Variants in LMTK2 observed in about 807,000 individuals in gnomAD.
LMTK2 encodes the protein serine/threonine-protein kinase LMTK2.
Under a neutral mutation model 127.5 loss-of-function variants are expected in LMTK2, and 37 were observed. The ratio of observed to expected loss-of-function variants is 0.29; its 90% confidence interval spans 0.22 to 0.38. The LOEUF is 0.38. Ranked by LOEUF, LMTK2 falls within the 10% of genes least tolerant of loss-of-function variation. The pLI, the probability that LMTK2 is intolerant of heterozygous loss-of-function variation, is 1.00. For synonymous variants in LMTK2, 819 were observed against 810.1 expected (o/e 1.01, Z -0.19); for missense variants, 1,694 against 1,920.3 (o/e 0.88, Z 2.20).
In LMTK2 at chr7:98,192,821, A is replaced by G. The variant is rs772193585; in HGVS notation, c.2356A>G (p.Asn786Asp). ...GCCAGGCTTGTCTTTGTTGCAGGAA[A>G]ACGTAAGCACAAAGGGTGACGATAC... ...NKPGLSLLQE[N>D]VSTKGDDTDV... The change falls in exon 11 of 14, where the codon AAC becomes GAC. Residue 786 changes from asparagine to aspartate, a missense_variant. By Grantham distance (23) the Asn-to-Asp change is conservative. This residue lies in a region of LMTK2 where 527 missense variants were observed against 539.8 expected (regional missense o/e 0.98). Transcript: ENST00000297293. 3.1e-6 allele frequency: 5 copies of G among 1,613,792 alleles called. No homozygotes were observed. Among genetic ancestry groups the G allele is most frequent in the Non-Finnish European group, 4.2e-6 (5 of 1,179,774 alleles).
At chr7:98,159,045 G>T (rs1167349476) in intron 5 of LMTK2, among the ~76,000 whole-genome samples, 1 of 151,982 alleles carries the variant, frequency 6.6e-6, no homozygotes, top group African/African-American at 2.4e-5. Context: ...GTGACAGAAC[G>T]AGACCCTGTC....
At chr7:98,133,578 T>TA (rs1796555537) in intron 1 of LMTK2, among the ~76,000 whole-genome samples, 1 of 151,852 alleles carries the variant, frequency 6.6e-6, no homozygotes, top group Non-Finnish European at 1.5e-5. Context: ...TAAAAAGGGG[T>TA]AACTAAAAAT....
chr7:98,136,745 G>A (rs1330440734), intron 1 of LMTK2, among the ~76,000 whole-genome samples: 4 of 152,214 alleles, frequency 2.6e-5, no homozygotes, highest in South Asian at 2.1e-4. Flanking sequence ...TTCCCAGGTA[G>A]CCACAACCTT....
At chr7:98,155,011 T>C in intron 5 of LMTK2, 135 bp downstream of exon 5, 1 of 588,480 alleles carries the variant, frequency 1.7e-6, no homozygotes, top group Non-Finnish European at 3.0e-6. Flanking sequence ...AGACCTAAAA[T>C]GTCCAGGCGT....
At chr7:98,172,659 T>G (rs1287014011) in intron 7 of LMTK2, among the ~76,000 whole-genome samples, 2 of 152,250 alleles carry the variant, frequency 1.3e-5, no homozygotes, top group African/African-American at 4.8e-5. Context: ...TTTAGTCAAC[T>G]TTAAGTAAAT....
At chr7:98,175,564 G>A (rs1797264335) in intron 7 of LMTK2, among the ~76,000 whole-genome samples, 1 of 152,188 alleles carries the variant, frequency 6.6e-6, no homozygotes, top group African/African-American at 2.4e-5. Flanking sequence ...AGCTTAGGCT[G>A]GTTTAGAAAG....
At chr7:98,186,625 C>T (rs1253675675) in intron 8 of LMTK2, among the ~76,000 whole-genome samples, 3 of 152,110 alleles carry the variant, frequency 2.0e-5, no homozygotes, top group African/African-American at 4.8e-5. Context: ...TCAGACACAG[C>T]GTACTTTCTT....
At chr7:98,135,948 G>A (rs1796589257) in intron 1 of LMTK2, among the ~76,000 whole-genome samples, 1 of 151,940 alleles carries the variant, frequency 6.6e-6, no homozygotes, top group East Asian at 2.0e-4. Context: ...GCAACAGCAG[G>A]CCTCAGGCTG....
intron 2 of LMTK2, among the ~76,000 whole-genome samples, chr7:98,138,798 T>C (rs1242609352): frequency 2.0e-5 from 3 of 152,230 alleles, no homozygotes; most frequent in African/African-American, 7.2e-5. Context: ...CATGCAAAGC[T>C]TTTTGAATCT....
intron 5 of LMTK2, among the ~76,000 whole-genome samples, chr7:98,156,333 C>T (rs927260252): frequency 1.1e-4 from 16 of 151,888 alleles, no homozygotes; most frequent in South Asian, 4.2e-4. Context: ...GGCGTGGTGT[C>T]GGGTGCCTGT....
Position 98,192,613 on chromosome 7 carries a change from T to G in LMTK2, c.2148T>G (p.Val716=). The change falls in exon 11 of 14, where the codon GTT becomes GTG. Residue 716 remains valine (V), a synonymous_variant. Transcript: ENST00000297293. ...AAGATAATTTTGATCCATTGAATGT[T>G]CAAGAATTGTCAGAAAACTTTTTAT... is the stretch of plus-strand genomic sequence containing the variant. ...MHQDNFDPLN[V]QELSENFLFL... is the part of the protein sequence containing the mutation. 1.2e-6 allele frequency: 2 copies of G among 1,613,124 alleles called. No homozygotes were observed. The highest frequency in any genetic ancestry group is 1.7e-6 in the Non-Finnish European group (2 of 1,179,806).
chr7:98,140,142 C>CG (rs1562902673), intron 2 of LMTK2, among the ~76,000 whole-genome samples: 4 of 67,250 alleles, frequency 5.9e-5, no homozygotes, highest in South Asian at 1.1e-3. Context: ...TTCTTTCTTT[C>CG]TTTTCTTTTC....
chr7:98,203,392 G>T (rs1056844911), intron 11 of LMTK2, among the ~76,000 whole-genome samples, 182 bp from the exon 12 acceptor site: 1 of 152,240 alleles, frequency 6.6e-6, no homozygotes, highest in African/African-American at 2.4e-5. Flanking sequence ...GGTCAGAGCT[G>T]CAGGCAGAGG....
At chr7:98,156,787 C>T (rs1479367451) in intron 5 of LMTK2, among the ~76,000 whole-genome samples, 1 of 152,130 alleles carries the variant, frequency 6.6e-6, no homozygotes, top group Non-Finnish European at 1.5e-5. Context: ...GACCAGGAGG[C>T]TGGAGACCCA....
chr7:98,124,762 G>T (rs73404162), intron 1 of LMTK2, among the ~76,000 whole-genome samples: 29,089 of 151,618 alleles, frequency 0.19, 3,284 homozygotes, highest in African/African-American at 0.32. Context: ...TCCAGCCGAG[G>T]TGACAGAGCA....
At chr7:98,141,011 C>G (rs1796690354) in intron 2 of LMTK2, among the ~76,000 whole-genome samples, 1 of 149,536 alleles carries the variant, frequency 6.7e-6, no homozygotes, top group African/African-American at 2.5e-5. Context: ...GAGCCATGAT[C>G]ATGCCACTGT....
chr7:98,181,801 G>A (rs1797360548), intron 7 of LMTK2, among the ~76,000 whole-genome samples: 1 of 151,842 alleles, frequency 6.6e-6, no homozygotes, highest in African/African-American at 2.4e-5. Context: ...TGGAATTACA[G>A]GCACCCACCA....
Position 98,204,163 on chromosome 7 carries a change from C to T in LMTK2, c.4460C>T (p.Thr1487Ile). ...NIASFSLTHL[T>I]DSDIEQGGSS... ...GCCAGCTTTTCCCTCACACACCTGA[C>T]CGACTCGGACATCGAGCAGGGCGGT... Residue 1487 changes from threonine to isoleucine, a missense_variant, in exon 13 of 14, where the codon ACC becomes ATC. Thr to Ile is a moderately conservative substitution (Grantham distance 89). Transcript: ENST00000297293. 6.2e-7 allele frequency: 1 copy of T among 1,608,446 alleles called. No homozygotes were observed. Among genetic ancestry groups the T allele is most frequent in the Non-Finnish European group, 8.5e-7 (1 of 1,179,978 alleles).
rs1796904802 is a variant in LMTK2, at chr7:98,154,838, G to A, written c.531G>A (p.Lys177=). Residue 177 remains lysine (K), a synonymous_variant, in exon 5 of 14, where the codon AAG becomes AAA. Coordinates refer to ENST00000297293, the MANE Select transcript of LMTK2 (RefSeq NM_014916.4). ...AGTTAAAAGCAAGTGCCAACCCAAA[G>A]GAACAAGATACTTTTTTGAAAAATG... is the stretch of plus-strand genomic sequence containing the variant. ...VKELKASANP[K]EQDTFLKNGE... The A allele has an allele frequency of 6.2e-7, 1 of 1,613,166 alleles. No homozygotes were observed. Among genetic ancestry groups the A allele is most frequent in the Non-Finnish European group, 8.5e-7 (1 of 1,179,174 alleles).
Sources: gnomAD v4.1 joint callset for allele counts (sites outside exome capture counted in the v4.1 genomes callset) on GRCh38, gnomAD v4.1.1 for gene constraint, gnomAD v4.1.1 regional missense constraint, MANE v1.5 for transcripts, NCBI Gene and HGNC (gene_info 2026-07-23, HGNC 2026-07-21) for gene names.